PARD3: variants seen among roughly 807,000 people sequenced by gnomAD.
PARD3 encodes par-3 family cell polarity regulator.
PARD3 carries 75 observed loss-of-function variants against 155.4 expected under a neutral mutation model. That is an observed-to-expected ratio of 0.48 (90% CI 0.40 to 0.58). The LOEUF (loss-of-function observed/expected upper bound fraction) is 0.58. Among genes scored for constraint, PARD3 ranks in the 20% least tolerant of loss-of-function variants. The pLI, the probability that PARD3 is intolerant of heterozygous loss-of-function variation, is 0.00. For missense variants in PARD3, 1,642 were observed against 1,721.7 expected, an observed-to-expected ratio of 0.95 and a Z score of 0.82; for synonymous variants, 576 against 610.5, an observed-to-expected ratio of 0.94 and a Z score of 0.83.
chr10:34,771,112 C>A (rs1159702516), intron 1 of PARD3, among the ~76,000 whole-genome samples: 1 of 152,202 alleles, frequency 6.6e-6, no homozygotes, highest in Non-Finnish European at 1.5e-5. Flanking sequence ...TGAAAACATG[C>A]AAGCCCTGTG....
Position 34,447,527 on chromosome 10 carries a change from T to G in PARD3, c.714+2790A>C, listed in dbSNP as rs543137571. ...AAAAAAAAAAAAAAAAAAGGGCCAG[T>G]TGCTGTGGCTCACACCTGCAATCCC... is the stretch of plus-strand genomic sequence containing the variant. On this transcript the variant is annotated intron_variant, in intron 5 of 24. Coordinates refer to ENST00000374788, the MANE Select transcript of PARD3 (RefSeq NM_001184785.2). Among the ~76,000 whole-genome samples, 61 of 117,030 alleles carry G rather than the reference T, an allele frequency of 5.2e-4. 1 individual carries two copies. Among genetic ancestry groups the G allele is most frequent in the African/African-American group, 1.7e-3 (58 of 33,248 alleles). The allele number at this position is 117,030 out of a possible 152,430, so 76.8% of individuals were successfully genotyped here.
At chr10:34,678,337 GTGC>G (rs1841657345) in intron 2 of PARD3, among the ~76,000 whole-genome samples, 2 of 152,130 alleles carry the variant, frequency 1.3e-5, no homozygotes, top group African/African-American at 4.8e-5. Context: ...GCCATTCAAA[GTGC>G]TGGGATTACA....
chr10:34,154,068 C>A (rs1948891223), intron 22 of PARD3, among the ~76,000 whole-genome samples: 1 of 152,112 alleles, frequency 6.6e-6, no homozygotes, highest in Non-Finnish European at 1.5e-5. Context: ...TTAGTTGACA[C>A]TAAAAAGAAA....
chr10:34,241,218 C>T (rs1284907146), intron 22 of PARD3, among the ~76,000 whole-genome samples: 1 of 152,174 alleles, frequency 6.6e-6, no homozygotes, highest in East Asian at 1.9e-4. Flanking sequence ...AAAGAGGAAA[C>T]TCTGAGCTGA....
chr10:34,232,255 G>A (rs995642968), intron 22 of PARD3, among the ~76,000 whole-genome samples: 13 of 152,034 alleles, frequency 8.6e-5, no homozygotes, highest in African/African-American at 2.9e-4. Context: ...TTTCTTCCAA[G>A]GACTCCAGTC....
At chr10:34,657,641 T>G (rs1225109361) in intron 2 of PARD3, among the ~76,000 whole-genome samples, 1 of 152,058 alleles carries the variant, frequency 6.6e-6, no homozygotes, top group African/African-American at 2.4e-5. Context: ...TGGGTTCAAG[T>G]GATTCTCCTG....
At chr10:34,412,433 T>C (rs1281087411) in intron 5 of PARD3, among the ~76,000 whole-genome samples, 1 of 152,206 alleles carries the variant, frequency 6.6e-6, no homozygotes, top group Non-Finnish European at 1.5e-5. Context: ...TTACCTCCCA[T>C]TCCACCTTCC....
intron 2 of PARD3, among the ~76,000 whole-genome samples, chr10:34,573,131 T>G (rs983754519): frequency 2.0e-5 from 3 of 151,906 alleles, no homozygotes; most frequent in Non-Finnish European, 2.9e-5. Flanking sequence ...AGTGGGAGGA[T>G]CCCTTGAGGC....
At chr10:34,440,139 AT>A (rs1278114254) in intron 5 of PARD3, among the ~76,000 whole-genome samples, 3 of 152,234 alleles carry the variant, frequency 2.0e-5, no homozygotes, top group Admixed American at 6.5e-5. Context: ...AAATAGCTAG[AT>A]CATAAAATTT....
At chr10:34,502,660 G>T (rs1006508987) in intron 3 of PARD3, among the ~76,000 whole-genome samples, 1 of 152,180 alleles carries the variant, frequency 6.6e-6, no homozygotes, top group Non-Finnish European at 1.5e-5. Context: ...ATTAGACTTG[G>T]CTAGGTGTGG....
chr10:34,111,593 G>A (rs2132619188), intron 24 of PARD3, 31 bp from the exon 25 acceptor site: 2 of 1,552,494 alleles, frequency 1.3e-6, no homozygotes, highest in Non-Finnish European at 8.7e-7. Flanking sequence ...GTTAGTGTGA[G>A]GGTAGGAAGA....
chr10:34,454,743 G>A (rs947497879), intron 4 of PARD3, among the ~76,000 whole-genome samples: 1 of 152,124 alleles, frequency 6.6e-6, no homozygotes, highest in African/African-American at 2.4e-5. Context: ...TCTTGCCAGG[G>A]AAAAACAGAT....
chr10:34,780,692 G>C (rs1024857326), intron 1 of PARD3, among the ~76,000 whole-genome samples: 1 of 152,118 alleles, frequency 6.6e-6, no homozygotes, highest in South Asian at 2.1e-4. Context: ...TTCTCTTGCC[G>C]CAGTTTTTTA....
chr10:34,696,255 C>T (rs1434530546), intron 2 of PARD3, 63 bp downstream of exon 2: 4 of 839,390 alleles, frequency 4.8e-6, no homozygotes, highest in African/African-American at 1.8e-5. Flanking sequence ...GAATCGCACC[C>T]GCTCCCTAGT....
intron 22 of PARD3, among the ~76,000 whole-genome samples, chr10:34,214,412 C>A (rs748821136): frequency 6.6e-6 from 1 of 152,170 alleles, no homozygotes; most frequent in Non-Finnish European, 1.5e-5. Context: ...AAACTGACCA[C>A]AAAGGCCCTT....
At chr10:34,493,576 A>G (rs2080061240) in intron 3 of PARD3, among the ~76,000 whole-genome samples, 1 of 152,078 alleles carries the variant, frequency 6.6e-6, no homozygotes, top group Non-Finnish European at 1.5e-5. Flanking sequence ...TATTAAAAAT[A>G]CAAAAATTAG....
At chr10:34,137,286 CT>C (rs1198952491) in intron 22 of PARD3, among the ~76,000 whole-genome samples, 1 of 152,128 alleles carries the variant, frequency 6.6e-6, no homozygotes, top group Non-Finnish European at 1.5e-5. Context: ...TGTCTCTCTC[CT>C]TGCTGGTACT....
chr10:34,411,919 CGT>C (rs61517279), intron 5 of PARD3, among the ~76,000 whole-genome samples: 3,996 of 141,020 alleles, frequency 0.028, 63 homozygotes, highest in Middle Eastern at 0.049. Flanking sequence ...ATAAGCTAGT[CGT>C]GTGTGTGTGT....
intron 2 of PARD3, among the ~76,000 whole-genome samples, chr10:34,548,382 C>T (rs2084275828): frequency 6.6e-6 from 1 of 151,982 alleles, no homozygotes; most frequent in Admixed American, 6.6e-5. Context: ...GACTGTAGTC[C>T]CAGCTACTCA....
Sources: allele counts gnomAD v4.1 joint callset (sites outside exome capture counted in the v4.1 genomes callset), GRCh38; gene constraint gnomAD v4.1.1; transcripts MANE v1.5; gene names NCBI Gene and HGNC (gene_info 2026-07-23, HGNC 2026-07-21).